Variants in SYT11 observed in about 807,000 individuals in gnomAD.
The protein encoded by SYT11 is synaptotagmin-11.
SYT11 carries 12 observed loss-of-function variants against 30.4 expected under a neutral mutation model. That is an observed-to-expected ratio of 0.39 (90% CI 0.25 to 0.64). The LOEUF (loss-of-function observed/expected upper bound fraction) is 0.64, where lower values mean the gene tolerates loss of function less well. Ranked by LOEUF, SYT11 falls within the 30% of genes least tolerant of loss-of-function variation. The probability of loss-of-function intolerance (pLI) is 0.45; values close to 1 mark genes in which losing one functional copy is unlikely to be tolerated. For missense variants in SYT11, 412 were observed against 552.0 expected (o/e 0.75, Z 2.54); for synonymous variants, 204 against 216.0 (o/e 0.94, Z 0.49).
chr1:155,874,974 G>T (rs759813697), intron 2 of SYT11, among the ~76,000 whole-genome samples: 7 of 149,836 alleles, frequency 4.7e-5, no homozygotes, highest in Non-Finnish European at 1.0e-4. Flanking sequence ...CTGACAATAG[G>T]CCGGGCATGG....
In SYT11 at chr1:155,868,890, G is replaced by C. The variant is rs1672736375; in HGVS notation, c.861+99G>C. On this transcript the variant is annotated intron_variant, in intron 2 of 3. Transcript: ENST00000368324. The surrounding 1 kb of genome is among the most constrained non-coding windows in gnomAD (Gnocchi z 4.7). ...GGAGGGGAGTGGGTTGGGTGGCAAA[G>C]AAGGGCTGTAGAGAGGAAGCTCTTG... 1 of 1,178,420 alleles carries C rather than the reference G, an allele frequency of 8.5e-7. No individual in the cohort carries two copies. Among genetic ancestry groups the C allele is most frequent in the Admixed American group, 2.3e-5 (1 of 44,030 alleles). 73.0% of individuals were successfully genotyped at this position (1,178,420 alleles called of 1,614,324 possible). A position where few individuals can be genotyped will look rare whatever the true frequency, so the allele number is the denominator to read the frequency against.
rs550900049 is a variant in SYT11 at position 155,884,971 on chromosome 1, G to A, written c.*3463G>A. The A allele has an allele frequency of 6.5e-6, 1 of 152,686 alleles. No individual in the cohort carries two copies. Among genetic ancestry groups the A allele is most frequent in the South Asian group, 2.1e-4 (1 of 4,818 alleles). 9.5% of individuals were successfully genotyped at this position (152,686 alleles called of 1,614,324 possible). A position where few individuals can be genotyped will look rare whatever the true frequency, so the allele number is the denominator to read the frequency against. On this transcript the variant is annotated 3_prime_UTR_variant, in exon 4 of 4. Coordinates refer to ENST00000368324, the MANE Select transcript of SYT11 (RefSeq NM_152280.5). ...GCCCTCACCATGATCCCTCTCCAAA[G>A]TGGTTGTCTTTCTTTACCTTGTGTC...
At chr1:155,875,110 G>C (rs932499009) in intron 2 of SYT11, among the ~76,000 whole-genome samples, 1 of 148,022 alleles carries the variant, frequency 6.8e-6, no homozygotes, top group Non-Finnish European at 1.5e-5. Flanking sequence ...AAAATTACCC[G>C]GGCATGGTGA....
Position 155,883,630 on chromosome 1 carries a change from G to A in SYT11, c.*2122G>A, listed in dbSNP as rs1265303026. 1 of 152,090 alleles carries A rather than the reference G, an allele frequency of 6.6e-6. No individual in the cohort carries two copies. The highest frequency in any genetic ancestry group is 2.4e-5 in the African/African-American group (1 of 41,396). 9.4% of individuals were successfully genotyped at this position (152,090 alleles called of 1,614,324 possible). A position where few individuals can be genotyped will look rare whatever the true frequency, so the allele number is the denominator to read the frequency against. On this transcript the variant is annotated 3_prime_UTR_variant, in exon 4 of 4. Transcript: ENST00000368324. ...TGAGGAGGAACTCAGTCAAGCTGTTGCTTAACAGCTTGATCCAGGGCGTGA... is the reference window on the plus strand; with the variant it reads ...TGAGGAGGAACTCAGTCAAGCTGTTACTTAACAGCTTGATCCAGGGCGTGA...
At chr1:155,869,247 G>A (rs1672743508) in intron 2 of SYT11, among the ~76,000 whole-genome samples, 1 of 142,750 alleles carries the variant, frequency 7.0e-6, no homozygotes, top group African/African-American at 2.6e-5. Context: ...GGGTGTAAAT[G>A]ATACCATGTA....
At chr1:155,875,692 A>G (rs1672849725) in intron 2 of SYT11, among the ~76,000 whole-genome samples, 1 of 152,142 alleles carries the variant, frequency 6.6e-6, no homozygotes, top group African/African-American at 2.4e-5. Flanking sequence ...GTGAGCCACC[A>G]TACCCAGCCT....
At chr1:155,878,312 C>G (rs895990397) in intron 2 of SYT11, among the ~76,000 whole-genome samples, 1 of 152,172 alleles carries the variant, frequency 6.6e-6, no homozygotes, top group African/African-American at 2.4e-5. Context: ...TGACTCTGCT[C>G]TTTGGTAGTG....
Position 155,868,062 on chromosome 1 carries a change from A to G in SYT11, c.132A>G (p.Ala44=), listed in dbSNP as rs1332897060. 6.2e-7 allele frequency: 1 copy of G among 1,614,010 alleles called. No individual in the cohort carries two copies. The change falls in exon 2 of 4, where the codon GCA becomes GCG. Residue 44 remains alanine (A), a synonymous_variant. Transcript: ENST00000368324. The surrounding 1 kb of genome is among the most constrained non-coding windows in gnomAD (Gnocchi z 4.7). The part of the protein sequence containing the change: ...VFVWSCCHQQ[A]EKKQKNPPYK... The stretch of plus-strand genomic sequence containing the variant: ...TCTGGTCATGCTGCCACCAGCAGGC[A>G]GAGAAGAAGCAGAAGAACCCACCAT...
At chr1:155,871,639 C>A (rs1672782034) in intron 2 of SYT11, among the ~76,000 whole-genome samples, 1 of 152,234 alleles carries the variant, frequency 6.6e-6, no homozygotes, top group African/African-American at 2.4e-5. Flanking sequence ...AGCCACATTT[C>A]TTTCCACTTT....
rs1672534273 is a variant in SYT11, at chr1:155,860,285, G to A, written c.34+490G>A. ...TGGGCCGTGTGGCTGGCAGCCAGGGGAGGCGGCGGCCTCTGGGGAAAGAGG... is the reference window on the plus strand; with the variant it reads ...TGGGCCGTGTGGCTGGCAGCCAGGGAAGGCGGCGGCCTCTGGGGAAAGAGG... On this transcript the variant is annotated intron_variant, in intron 1 of 3. Transcript: ENST00000368324. The surrounding 1 kb of genome is among the most constrained non-coding windows in gnomAD (Gnocchi z 4.1). Among the ~76,000 whole-genome samples, 1 of 152,196 alleles carries A rather than the reference G, an allele frequency of 6.6e-6. No individual in the cohort carries two copies. Among genetic ancestry groups the A allele is most frequent in the Non-Finnish European group, 1.5e-5 (1 of 68,036 alleles).
At chr1:155,870,558 G>A (rs1265085040) in intron 2 of SYT11, among the ~76,000 whole-genome samples, 1 of 152,242 alleles carries the variant, frequency 6.6e-6, no homozygotes, top group Non-Finnish European at 1.5e-5. Context: ...AGCTCTGCCT[G>A]TGGGCAGATC....
rs774935612 is a variant in SYT11 at position 155,868,116 on chromosome 1, C to A, written c.186C>A (p.Ile62=). ...PYKFIHMLKG[I]SIYPETLSNK... is the part of the protein sequence containing the mutation. ...AGTTTATTCACATGCTCAAAGGCAT[C>A]AGCATATACCCAGAGACCCTCAGCA... is the stretch of plus-strand genomic sequence containing the variant. The change falls in exon 2 of 4, where the codon ATC becomes ATA. Residue 62 remains isoleucine (I), a synonymous_variant. Coordinates refer to ENST00000368324, the MANE Select transcript of SYT11 (RefSeq NM_152280.5). The surrounding 1 kb of genome is among the most constrained non-coding windows in gnomAD (Gnocchi z 4.7). 14 of 1,614,106 alleles carry A rather than the reference C, an allele frequency of 8.7e-6. No individual in the cohort carries two copies. Among genetic ancestry groups the A allele is most frequent in the Middle Eastern group, 3.3e-4 (2 of 6,060 alleles).
At chr1:155,867,412 T>C (rs1672698934) in intron 1 of SYT11, among the ~76,000 whole-genome samples, 1 of 152,094 alleles carries the variant, frequency 6.6e-6, no homozygotes, top group East Asian at 1.9e-4. Context: ...TAAAAGTACA[T>C]AAACCCAGAA....
At chr1:155,875,671 G>A (rs1465290283) in intron 2 of SYT11, among the ~76,000 whole-genome samples, 2 of 152,138 alleles carry the variant, frequency 1.3e-5, no homozygotes, top group Non-Finnish European at 2.9e-5. Context: ...CAAAGTGTTA[G>A]CATTACAGGC....
At chr1:155,865,963 A>G (rs1256758965) in intron 1 of SYT11, among the ~76,000 whole-genome samples, 2 of 152,084 alleles carry the variant, frequency 1.3e-5, no homozygotes, top group Admixed American at 6.6e-5. Context: ...AAAAAACTAT[A>G]GGCCTAATCT....
chr1:155,876,905 C>A (rs1412839069), intron 2 of SYT11, among the ~76,000 whole-genome samples: 1 of 151,922 alleles, frequency 6.6e-6, no homozygotes, highest in Non-Finnish European at 1.5e-5. Context: ...CCTGCCTCAG[C>A]CTCCTGAGTA....
At chr1:155,866,965 CAT>C (rs781704423) in intron 1 of SYT11, among the ~76,000 whole-genome samples, 3,199 of 58,198 alleles carry the variant, frequency 0.055, 50 homozygotes, top group Admixed American at 0.087. Context: ...CATATATACA[CAT>C]ACACACACAC....
intron 1 of SYT11, among the ~76,000 whole-genome samples, chr1:155,863,475 A>G: frequency 6.6e-6 from 1 of 151,936 alleles, no homozygotes; most frequent in South Asian, 2.1e-4. Flanking sequence ...AACAATAAAT[A>G]TATATTTTAA....
rs370047410 is a variant in SYT11 at position 155,880,595 on chromosome 1, G to T, written c.957G>T (p.Pro319=). The part of the protein sequence containing the change: ...TVVVLKARHL[P]KMDITGLSGN... ...TGGTCCTCAAAGCCAGACACTTGCCGAAGATGGATATCACCGGTCTCTCAG... is the reference window on the plus strand; with the variant it reads ...TGGTCCTCAAAGCCAGACACTTGCCTAAGATGGATATCACCGGTCTCTCAG... The change falls in exon 3 of 4, where the codon CCG becomes CCT. Residue 319 remains proline (P), a synonymous_variant. Coordinates refer to ENST00000368324, the MANE Select transcript of SYT11 (RefSeq NM_152280.5). The T allele has an allele frequency of 6.2e-7, 1 of 1,614,020 alleles. No homozygotes were observed. The highest frequency in any genetic ancestry group is 8.5e-7 in the Non-Finnish European group (1 of 1,179,948).
Sources: gnomAD v4.1 joint callset for allele counts (sites outside exome capture counted in the v4.1 genomes callset) on GRCh38, gnomAD v4.1.1 for gene constraint, Gnocchi (gnomAD v3.1) non-coding constraint, MANE v1.5 for transcripts, NCBI Gene and HGNC (gene_info 2026-07-23, HGNC 2026-07-21) for gene names.